XKR6: variants seen among roughly 807,000 people sequenced by gnomAD.
The protein encoded by XKR6 is XK-related protein 6.
Under a neutral mutation model 56.7 loss-of-function variants are expected in XKR6, and 22 were observed. The observed-to-expected ratio is 0.39, with a 90% CI of 0.28 to 0.55. The LOEUF is 0.55. Among genes scored for constraint, XKR6 ranks in the 20% least tolerant of loss-of-function variants. XKR6 has a pLI of 0.66. For synonymous variants in XKR6, 524 were observed against 387.8 expected (o/e 1.35, Z -4.13); for missense variants, 852 against 889.0 (o/e 0.96, Z 0.53).
intron 1 of XKR6, among the ~76,000 whole-genome samples, chr8:11,151,399 A>G (rs1025453942): frequency 1.3e-5 from 2 of 152,232 alleles, no homozygotes; most frequent in Non-Finnish European, 2.9e-5. Flanking sequence ...GTAGGACTGC[A>G]GAAAATTGAT....
chr8:10,971,717 A>T (rs1446428724), intron 1 of XKR6, among the ~76,000 whole-genome samples: 1 of 152,124 alleles, frequency 6.6e-6, no homozygotes, highest in Non-Finnish European at 1.5e-5. Context: ...GCCAATGGGG[A>T]CACTAAAGTC....
intron 1 of XKR6, among the ~76,000 whole-genome samples, chr8:10,957,371 G>T (rs200514612): frequency 6.6e-6 from 1 of 152,162 alleles, no homozygotes; most frequent in East Asian, 1.9e-4. Context: ...TCTACTCCAG[G>T]CGTGTCACCA....
Position 11,080,159 on chromosome 8 carries a change from C to T in XKR6, c.764+120417G>A, listed in dbSNP as rs116959692. On this transcript the variant is annotated intron_variant, in intron 1 of 2. Coordinates refer to ENST00000416569, the MANE Select transcript of XKR6 (RefSeq NM_173683.4). ...GAAAGCAAGAAAAAAAAAAACACAC[C>T]CACTTGAATTTTCTTAGATGACACA... Among the ~76,000 whole-genome samples, 76 of 151,920 alleles carry T rather than the reference C, an allele frequency of 5.0e-4. No individual in the cohort carries two copies. In the East Asian group the frequency reaches 0.014, roughly 27 times the overall value.
chr8:11,132,404 G>T (rs557934986), intron 1 of XKR6, among the ~76,000 whole-genome samples: 1 of 151,646 alleles, frequency 6.6e-6, no homozygotes, highest in East Asian at 1.9e-4. Flanking sequence ...TGTCACCCAG[G>T]CTGGAGTGTG....
chr8:11,185,920 T>A (rs560885525), intron 1 of XKR6, among the ~76,000 whole-genome samples: 138 of 152,360 alleles, frequency 9.1e-4, no homozygotes, highest in African/African-American at 3.2e-3. Context: ...ATTTAAATAG[T>A]TACCTGTTTG....
chr8:10,917,570 C>A (rs75912604), intron 2 of XKR6, among the ~76,000 whole-genome samples: 12,470 of 152,310 alleles, frequency 0.082, 750 homozygotes, highest in Non-Finnish European at 0.13. Flanking sequence ...GTTCCAGCCC[C>A]AGCACAAGTC....
At chr8:10,981,347 T>C (rs1318077027) in intron 1 of XKR6, among the ~76,000 whole-genome samples, 1 of 152,114 alleles carries the variant, frequency 6.6e-6, no homozygotes, top group African/African-American at 2.4e-5. Context: ...ACGTTCCAGG[T>C]GAGGCCCATG....
At chr8:11,059,399 G>C (rs1488624540) in intron 1 of XKR6, among the ~76,000 whole-genome samples, 3 of 152,246 alleles carry the variant, frequency 2.0e-5, no homozygotes, top group African/African-American at 2.4e-5. Flanking sequence ...AGCCGGGCTG[G>C]CGCCCGAAGG....
intron 1 of XKR6, among the ~76,000 whole-genome samples, chr8:11,122,024 A>G (rs1438192423): frequency 6.6e-6 from 1 of 152,124 alleles, no homozygotes; most frequent in Non-Finnish European, 1.5e-5. Flanking sequence ...ATCACACACA[A>G]TGGGATATTC....
intron 1 of XKR6, among the ~76,000 whole-genome samples, chr8:10,950,307 C>T (rs1801679388): frequency 6.6e-6 from 1 of 152,220 alleles, no homozygotes; most frequent in African/African-American, 2.4e-5. Flanking sequence ...CAGTGTGGTG[C>T]AGGCCCAAGC....
rs114597816 is a variant in XKR6, at chr8:11,102,752, A to C, written c.764+97824T>G. Among the ~76,000 whole-genome samples the C allele has an allele frequency of 2.5e-3, 383 of 152,314 alleles. 4 individuals carry two copies. Among genetic ancestry groups the C allele is most frequent in the African/African-American group, 7.1e-3 (294 of 41,582 alleles). On this transcript the variant is annotated intron_variant, in intron 1 of 2. Transcript: ENST00000416569. Reference sequence around the variant, plus strand: ...GACAGAGCTGACATGGGAAGAGTTAATGTGCAGTGCTCAGCATTCATGAAA... The same window carrying C: ...GACAGAGCTGACATGGGAAGAGTTACTGTGCAGTGCTCAGCATTCATGAAA...
chr8:11,052,599 G>C (rs1799579323), intron 1 of XKR6, among the ~76,000 whole-genome samples: 1 of 152,132 alleles, frequency 6.6e-6, no homozygotes, highest in Non-Finnish European at 1.5e-5. Context: ...TGAGGCTTTG[G>C]CTGTCTGGCC....
intron 1 of XKR6, among the ~76,000 whole-genome samples, chr8:11,152,375 T>C (rs960920073): frequency 3.3e-5 from 5 of 152,104 alleles, no homozygotes; most frequent in African/African-American, 7.2e-5. Context: ...CCAGTCAAGG[T>C]TGAACGCATT....
chr8:11,114,533 G>T (rs777885065), intron 1 of XKR6, among the ~76,000 whole-genome samples: 1 of 152,104 alleles, frequency 6.6e-6, no homozygotes, highest in African/African-American at 2.4e-5. Context: ...GCTAATTCTT[G>T]TATTTTTAGT....
intron 1 of XKR6, among the ~76,000 whole-genome samples, chr8:10,926,421 A>C (rs1036306162): frequency 2.6e-5 from 4 of 152,234 alleles, no homozygotes; most frequent in Non-Finnish European, 5.9e-5. Flanking sequence ...TAGATTCCTA[A>C]GGCCCTTTGG....
intron 1 of XKR6, among the ~76,000 whole-genome samples, chr8:11,168,906 T>C (rs962158587): frequency 2.6e-5 from 4 of 152,202 alleles, no homozygotes; most frequent in Non-Finnish European, 4.4e-5. Context: ...TCTGTGGGCA[T>C]GTACGCAGTG....
chr8:11,161,131 C>T (rs987138581), intron 1 of XKR6, among the ~76,000 whole-genome samples: 9 of 152,090 alleles, frequency 5.9e-5, no homozygotes, highest in African/African-American at 1.9e-4. Context: ...CCAACAGGAA[C>T]TGATCTAGGC....
intron 1 of XKR6, among the ~76,000 whole-genome samples, chr8:11,034,230 T>G (rs73541273): frequency 6.6e-6 from 1 of 151,892 alleles, no homozygotes; most frequent in African/African-American, 2.4e-5. Context: ...GGCTGCACAG[T>G]GTGGGAAATG....
At chr8:11,112,005 G>A (rs767519909) in intron 1 of XKR6, 18 of 152,048 alleles carry the variant, frequency 1.2e-4, no homozygotes, top group South Asian at 2.1e-4. Context: ...ACTTTTTATC[G>A]TCTTACCATT....
Sources: gnomAD v4.1 joint callset for allele counts (sites outside exome capture counted in the v4.1 genomes callset) on GRCh38, gnomAD v4.1.1 for gene constraint, MANE v1.5 for transcripts, NCBI Gene and HGNC (gene_info 2026-07-23, HGNC 2026-07-21) for gene names.